ANKFN1: variants seen among roughly 807,000 people sequenced by gnomAD.
ANKFN1 encodes ankyrin repeat and fibronectin type-III domain-containing protein 1.
A neutral mutation model predicts 108.7 loss-of-function variants in ANKFN1; 74 were observed. The ratio of observed to expected loss-of-function variants is 0.68; its 90% CI spans 0.56 to 0.83. The LOEUF is 0.83. ANKFN1 is among the 40% of genes least tolerant of loss of function. ANKFN1 has a pLI of 0.00. For missense variants in ANKFN1, 1,505 were observed against 1,382.3 expected (o/e 1.09, Z -1.41); for synonymous variants, 547 against 516.2 (o/e 1.06, Z -0.81).
At chr17:56,271,069 G>A (rs1271125814) in intron 3 of ANKFN1, among the ~76,000 whole-genome samples, 2 of 151,970 alleles carry the variant, frequency 1.3e-5, no homozygotes, top group Non-Finnish European at 1.5e-5. Context: ...GAGTGTAGTG[G>A]CATGATCTCA....
intron 19 of ANKFN1, among the ~76,000 whole-genome samples, chr17:56,494,962 AGCCTAGGGCTCCACT>A (rs922612668): frequency 2.6e-5 from 4 of 152,028 alleles, no homozygotes; most frequent in Admixed American, 2.6e-4. Context: ...TTTTTCATGT[AGCCTAGGGCTCCACT>A]GCCTTTTTCT....
At chr17:56,476,097 A>G (rs770363931) in intron 15 of ANKFN1, among the ~76,000 whole-genome samples, 11 of 152,180 alleles carry the variant, frequency 7.2e-5, no homozygotes, top group Non-Finnish European at 1.3e-4. Context: ...AGAACTCACT[A>G]TCATGAGAAC....
intron 1 of ANKFN1, among the ~76,000 whole-genome samples, chr17:56,198,536 G>GT (rs1913730425): frequency 1.3e-5 from 2 of 152,102 alleles, no homozygotes; most frequent in South Asian, 4.1e-4. Context: ...CCACCAACAG[G>GT]TACCAGTCTG....
chr17:56,120,174 C>T (rs190736105), intron 4 of ANKFN1, among the ~76,000 whole-genome samples: 389 of 152,260 alleles, frequency 2.6e-3, no homozygotes, highest in Non-Finnish European at 4.0e-3. Context: ...ATCATCTACT[C>T]TTGTCATCAT....
At chr17:56,357,196 T>A (rs1567940794) in intron 6 of ANKFN1, among the ~76,000 whole-genome samples, 1 of 152,168 alleles carries the variant, frequency 6.6e-6, no homozygotes, top group African/African-American at 2.4e-5. Context: ...GGCAAAGAGA[T>A]ACGACCACAT....
chr17:56,402,974 A>T (rs1313150835), intron 8 of ANKFN1, among the ~76,000 whole-genome samples: 1 of 151,880 alleles, frequency 6.6e-6, no homozygotes, highest in Non-Finnish European at 1.5e-5. Flanking sequence ...AAGGAGCAGT[A>T]TGCCTGTATT....
chr17:56,253,142 T>C (rs2043276481), intron 3 of ANKFN1, among the ~76,000 whole-genome samples: 1 of 152,190 alleles, frequency 6.6e-6, no homozygotes, highest in Admixed American at 6.5e-5. Context: ...GTAGCTTTAG[T>C]AAACTAAATG....
At chr17:56,223,417 G>T (rs1281994784) in intron 2 of ANKFN1, among the ~76,000 whole-genome samples, 3 of 152,018 alleles carry the variant, frequency 2.0e-5, no homozygotes, top group East Asian at 1.9e-4. Context: ...TGTTAAAAAG[G>T]TATAAAGAAA....
chr17:56,401,728 G>T (rs185247113), intron 8 of ANKFN1, among the ~76,000 whole-genome samples: 53 of 151,986 alleles, frequency 3.5e-4, no homozygotes, highest in African/African-American at 1.3e-3. Context: ...TTCTTTGAAT[G>T]TTGAAGAGGA....
intron 15 of ANKFN1, among the ~76,000 whole-genome samples, chr17:56,470,686 G>A (rs2050287273): frequency 6.6e-6 from 1 of 152,100 alleles, no homozygotes; most frequent in South Asian, 2.1e-4. Flanking sequence ...CAAAATCTGG[G>A]CCCATAAATA....
chr17:56,245,610 T>C (rs1917902172), intron 3 of ANKFN1: 1 of 152,170 alleles, frequency 6.6e-6, no homozygotes, highest in Non-Finnish European at 1.5e-5. Context: ...TAGCAAACAC[T>C]TATAGTAATA....
intron 8 of ANKFN1, among the ~76,000 whole-genome samples, chr17:56,377,018 A>G (rs888770335): frequency 6.6e-6 from 1 of 152,214 alleles, no homozygotes; most frequent in Non-Finnish European, 1.5e-5. Context: ...GAAAGAAAAG[A>G]AAAAGAAGAA....
intron 1 of ANKFN1, among the ~76,000 whole-genome samples, chr17:56,175,254 A>G (rs1389905075): frequency 6.6e-6 from 1 of 152,180 alleles, no homozygotes; most frequent in Non-Finnish European, 1.5e-5. Context: ...CAGGGTAGGA[A>G]TTTTGAGTGC....
intron 3 of ANKFN1, among the ~76,000 whole-genome samples, chr17:56,296,820 A>G (rs1490387245): frequency 2.0e-5 from 3 of 152,232 alleles, no homozygotes; most frequent in African/African-American, 4.8e-5. Flanking sequence ...TCCTCTTTCT[A>G]CATTGGTAAT....
At chr17:56,304,190 A>G (rs1211748146) in intron 3 of ANKFN1, among the ~76,000 whole-genome samples, 2 of 152,028 alleles carry the variant, frequency 1.3e-5, no homozygotes, top group Non-Finnish European at 2.9e-5. Flanking sequence ...CCTGACAACC[A>G]CTAATCTGTT....
At chr17:56,252,266 G>A (rs909048594) in intron 3 of ANKFN1, 15 of 152,218 alleles carry the variant, frequency 9.9e-5, no homozygotes, top group African/African-American at 2.7e-4. Context: ...ATTTGTTCAA[G>A]TTACACAGCT....
intron 11 of ANKFN1, among the ~76,000 whole-genome samples, chr17:56,453,652 C>T (rs1423057384): frequency 2.0e-5 from 3 of 152,124 alleles, no homozygotes; most frequent in Non-Finnish European, 4.4e-5. Context: ...TTCTGTATTG[C>T]ATGGTGGAGC....
rs80009361 is a variant in ANKFN1 at position 56,313,106 on chromosome 17, T to C, written c.54-13115T>C. On this transcript the variant is annotated intron_variant, in intron 3 of 20. Transcript: ENST00000682825. ...GAGGCGAGGTTGCAATGAGCTGAGA[T>C]CATGCCACTGCACTCTAGCCTGGGC... Among the ~76,000 whole-genome samples the C allele has an allele frequency of 5.3e-3, 792 of 148,578 alleles. 36 individuals are homozygous for C. In the East Asian group the frequency reaches 0.12, roughly 22 times the overall value.
At chr17:56,502,723 G>C (rs1233493769) in intron 20 of ANKFN1, among the ~76,000 whole-genome samples, 1 of 152,234 alleles carries the variant, frequency 6.6e-6, no homozygotes, top group Non-Finnish European at 1.5e-5. Flanking sequence ...GTTACCCAGA[G>C]GGCAAAGTTT....
Sources: gnomAD v4.1 joint callset for allele counts (sites outside exome capture counted in the v4.1 genomes callset) on GRCh38, gnomAD v4.1.1 for gene constraint, MANE v1.5 for transcripts, NCBI Gene and HGNC (gene_info 2026-07-23, HGNC 2026-07-21) for gene names.